Variants in WNT3A observed in about 807,000 individuals in gnomAD.
The protein encoded by WNT3A is Wnt family member 3A, also known as protein Wnt-3a.
A neutral mutation model predicts 37.0 loss-of-function variants in WNT3A; 17 were observed. The ratio of observed to expected loss-of-function variants is 0.46; its 90% CI spans 0.31 to 0.69. The LOEUF is 0.69. Ranked by LOEUF, WNT3A falls within the 30% of genes least tolerant of loss-of-function variation. WNT3A has a pLI of 0.05. For missense variants in WNT3A, 411 were observed against 510.2 expected (o/e 0.81, Z 1.87); for synonymous variants, 187 against 211.0 (o/e 0.89, Z 0.99).
At chr1:228,030,187 G>A (rs564023992) in intron 2 of WNT3A, among the ~76,000 whole-genome samples, 13 of 152,136 alleles carry the variant, frequency 8.5e-5, no homozygotes, top group African/African-American at 2.9e-4. Flanking sequence ...TTGAGGTCAG[G>A]AGTTCGAGAC....
In WNT3A at chr1:228,059,132, G is replaced by A; in HGVS notation, c.726G>A (p.Val242=). The A allele has an allele frequency of 1.2e-6, 2 of 1,613,742 alleles. No individual in the cohort carries two copies. The highest frequency in any genetic ancestry group is 1.7e-6 in the Non-Finnish European group (2 of 1,179,994). ...AGTACGACAGCGCCTCGGAGATGGT[G>A]GTGGAGAAGCACCGGGAGTCCCGCG... The part of the protein sequence containing the change: ...KDKYDSASEM[V]VEKHRESRGW... Residue 242 remains valine, a synonymous_variant, in exon 4 of 4, where the codon GTG becomes GTA. Coordinates refer to ENST00000284523, the MANE Select transcript of WNT3A (RefSeq NM_033131.4).
rs1361612930 is a variant in WNT3A, at chr1:228,060,419, G to A, written c.*954G>A. ...TGTGCCACCCCTTCCTCAGCCTGGG[G>A]TTTGACCACCCACCTGACCAGGGGC... On this transcript the variant is annotated 3_prime_UTR_variant, in exon 4 of 4. Coordinates refer to ENST00000284523, the MANE Select transcript of WNT3A (RefSeq NM_033131.4). 2.7e-5 allele frequency: 21 copies of A among 781,860 alleles called. No individual in the cohort carries two copies. In the East Asian group the frequency reaches 1.1e-3, roughly 41 times the overall value. 48.4% of individuals were successfully genotyped at this position (781,860 alleles called of 1,614,324 possible).
At chr1:228,057,499 A>G (rs543748367) in intron 3 of WNT3A, among the ~76,000 whole-genome samples, 6 of 152,220 alleles carry the variant, frequency 3.9e-5, no homozygotes, top group African/African-American at 9.7e-5. Context: ...CTTTGATCCA[A>G]TATAAAACTA....
At chr1:228,025,089 T>C (rs866167177) in intron 2 of WNT3A, among the ~76,000 whole-genome samples, 3 of 152,234 alleles carry the variant, frequency 2.0e-5, no homozygotes, top group African/African-American at 7.2e-5. Context: ...TCCAGCTTTG[T>C]TCTTTCTTTT....
chr1:228,057,735 GATT>G (rs1182091930), intron 3 of WNT3A, among the ~76,000 whole-genome samples: 2 of 152,148 alleles, frequency 1.3e-5, no homozygotes, highest in Non-Finnish European at 2.9e-5. Context: ...ATGGCTCATA[GATT>G]ATTATAATTT....
rs2031217197 is a variant in WNT3A at position 228,039,213 on chromosome 1, AG to A, written c.314-11442del. On this transcript the variant is annotated intron_variant, in intron 2 of 3. Transcript: ENST00000284523. The surrounding 1 kb of genome is among the most constrained non-coding windows in gnomAD (Gnocchi z 4.1). ...GCCAGGTGAGCATGGGTCAACATCA[AG>A]AAGCAGACTGGGCAAAGGCGGCATC... Among the ~76,000 whole-genome samples, 1 of 152,278 alleles carries A rather than the reference AG, an allele frequency of 6.6e-6. No individual in the cohort carries two copies. Among genetic ancestry groups the A allele is most frequent in the East Asian group, 1.9e-4 (1 of 5,182 alleles).
In WNT3A at chr1:228,007,715, G is replaced by C. The variant is rs1165431067; in HGVS notation, c.71+516G>C. Among the ~76,000 whole-genome samples the C allele has an allele frequency of 6.6e-6, 1 of 152,106 alleles. No individual in the cohort carries two copies. The highest frequency in any genetic ancestry group is 1.5e-5 in the Non-Finnish European group (1 of 68,012). On this transcript the variant is annotated intron_variant, in intron 1 of 3. Transcript: ENST00000284523. The surrounding 1 kb of genome is among the most constrained non-coding windows in gnomAD (Gnocchi z 6.0). ...TACGTAAAGAAAGCTGGGACCCGGC[G>C]GGGAGTGGCGCAGAGCCGGCGGCGG... is the stretch of plus-strand genomic sequence containing the variant.
chr1:228,044,442 T>C (rs1467234187), intron 2 of WNT3A, among the ~76,000 whole-genome samples: 1 of 152,224 alleles, frequency 6.6e-6, no homozygotes, highest in Non-Finnish European at 1.5e-5. Context: ...GCCATGCCTC[T>C]GGCTTCTCCA....
intron 1 of WNT3A, among the ~76,000 whole-genome samples, chr1:228,009,460 C>T (rs750444235): frequency 7.2e-5 from 11 of 152,206 alleles, no homozygotes; most frequent in Non-Finnish European, 1.5e-4. Flanking sequence ...AGCATCTCCT[C>T]CTTTCTCCTG....
intron 2 of WNT3A, among the ~76,000 whole-genome samples, chr1:228,048,789 G>A (rs1174317270): frequency 3.3e-5 from 5 of 151,964 alleles, no homozygotes; most frequent in East Asian, 3.9e-4. Context: ...TTGCAGAAGT[G>A]TCTGCATACA....
rs1370352741 is a variant in WNT3A at position 228,038,204 on chromosome 1, C to T, written c.314-12452C>T. On this transcript the variant is annotated intron_variant, in intron 2 of 3. Transcript: ENST00000284523. This position sits in a 1 kb window ranked among gnomAD's most constrained non-coding sequence, Gnocchi z 5.7. Reference sequence around the variant, plus strand: ...TGCCACCGCGACACCCCCTCCCGGCCGCCTGGCTCCTCCTGGGGCCGCAGG... The same window carrying T: ...TGCCACCGCGACACCCCCTCCCGGCTGCCTGGCTCCTCCTGGGGCCGCAGG... Among the ~76,000 whole-genome samples the T allele has an allele frequency of 1.3e-5, 2 of 152,094 alleles. No homozygotes were observed. Among genetic ancestry groups the T allele is most frequent in the Non-Finnish European group, 2.9e-5 (2 of 68,006 alleles).
rs576202563 is a variant in WNT3A, at chr1:228,007,830, C to T, written c.71+631C>T. On this transcript the variant is annotated intron_variant, in intron 1 of 3. Coordinates refer to ENST00000284523, the MANE Select transcript of WNT3A (RefSeq NM_033131.4). This position sits in a 1 kb window ranked among gnomAD's most constrained non-coding sequence, Gnocchi z 6.0. ...CCAGGGGCCCTCTCTGCGAGCCCTC[C>T]GCATGGGTCCACCTGGCAATGAGGG... Among the ~76,000 whole-genome samples the T allele has an allele frequency of 8.5e-5, 13 of 152,172 alleles. No homozygotes were observed. The highest frequency in any genetic ancestry group is 3.1e-4 in the African/African-American group (13 of 41,546).
chr1:228,040,524 C>CT (rs879563081), intron 2 of WNT3A, among the ~76,000 whole-genome samples: 3 of 152,134 alleles, frequency 2.0e-5, no homozygotes, highest in Non-Finnish European at 4.4e-5. Flanking sequence ...AACTGAGCAA[C>CT]TTTAGTGAAA....
At position 228,059,490 on chromosome 1, in the gene WNT3A, C is replaced by T. The variant is rs2031751071; in HGVS notation, c.*25C>T. On this transcript the variant is annotated 3_prime_UTR_variant, in exon 4 of 4. Coordinates refer to ENST00000284523, the MANE Select transcript of WNT3A (RefSeq NM_033131.4). ...GGCACCGGCCGCGGCTCCCCCTGGA[C>T]GGGGCGGGCCCTGCCTGAGGGTGGG... is the stretch of plus-strand genomic sequence containing the variant. 2 of 1,480,234 alleles carry T rather than the reference C, an allele frequency of 1.4e-6. No individual in the cohort carries two copies. The highest frequency in any genetic ancestry group is 1.8e-6 in the Non-Finnish European group (2 of 1,122,910). The allele number at this position is 1,480,234 out of a possible 1,614,324, so 91.7% of individuals were successfully genotyped here. A position where few individuals can be genotyped will look rare whatever the true frequency, so the allele number is the denominator to read the frequency against.
At chr1:228,011,000 G>T (rs1364915251) in intron 1 of WNT3A, among the ~76,000 whole-genome samples, 1 of 152,142 alleles carries the variant, frequency 6.6e-6, no homozygotes, top group Non-Finnish European at 1.5e-5. Context: ...ACACTTGGAG[G>T]CCCTGCTCAG....
In WNT3A at chr1:228,022,876, G is replaced by C; in HGVS notation, c.281G>C (p.Ser94Thr). The change falls in exon 2 of 4, where the codon AGC (serine) becomes ACC (threonine). Residue 94 changes from serine (S) to threonine (T), a missense_variant. Coordinates refer to ENST00000284523, the MANE Select transcript of WNT3A (RefSeq NM_033131.4). ...RRWNCTTVHD[S>T]LAIFGPVLDK... ...TGGAACTGCACCACCGTCCACGACA[G>C]CCTGGCCATCTTCGGGCCCGTGCTG... 6.2e-7 allele frequency: 1 copy of C among 1,612,466 alleles called. No individual in the cohort carries two copies. Among genetic ancestry groups the C allele is most frequent in the Non-Finnish European group, 8.5e-7 (1 of 1,178,792 alleles).
In WNT3A at chr1:228,061,192, C is replaced by G. The variant is rs1336164027; in HGVS notation, c.*1727C>G. On this transcript the variant is annotated 3_prime_UTR_variant, in exon 4 of 4. Coordinates refer to ENST00000284523, the MANE Select transcript of WNT3A (RefSeq NM_033131.4). ...GCCCAAAAGAGGGCACACCGCCATC[C>G]TCTGCCTCAAATTCTGCGTTTTTGG... 1 of 152,700 alleles carries G rather than the reference C, an allele frequency of 6.5e-6. No homozygotes were observed. Among genetic ancestry groups the G allele is most frequent in the Admixed American group, 6.5e-5 (1 of 15,288 alleles). The allele number at this position is 152,700 out of a possible 1,614,324, so 9.5% of individuals were successfully genotyped here. A position where few individuals can be genotyped will look rare whatever the true frequency, so the allele number is the denominator to read the frequency against.
rs1464621048 is a variant in WNT3A at position 228,025,973 on chromosome 1, G to T, written c.313+3065G>T. ...GAGGTCTCCCTATGTTGCCCAGGCT[G>T]GTCTTGAACTTTTGGGCTCAAGCAA... On this transcript the variant is annotated intron_variant, in intron 2 of 3. Coordinates refer to ENST00000284523, the MANE Select transcript of WNT3A (RefSeq NM_033131.4). Among the ~76,000 whole-genome samples, 3 of 150,082 alleles carry T rather than the reference G, an allele frequency of 2.0e-5. No individual in the cohort carries two copies. The East Asian group carries it at 5.9e-4, about 30-fold the overall frequency.
chr1:228,011,280 C>T lies in WNT3A; in HGVS notation c.71+4081C>T, dbSNP rs2030361720. ...AGTCGAGCAGGGCAGGGACATGGCC[C>T]AGGGTACCCAGAAGCTCAGATGGGA... On this transcript the variant is annotated intron_variant, in intron 1 of 3. Coordinates refer to ENST00000284523, the MANE Select transcript of WNT3A (RefSeq NM_033131.4). 2.6e-5 allele frequency among the ~76,000 whole-genome samples: 4 copies of T among 152,138 alleles called. No individual in the cohort carries two copies. The South Asian group carries it at 6.2e-4, about 24-fold the overall frequency.
Sources: gnomAD v4.1 joint callset for allele counts (sites outside exome capture counted in the v4.1 genomes callset) on GRCh38, gnomAD v4.1.1 for gene constraint, Gnocchi (gnomAD v3.1) non-coding constraint, MANE v1.5 for transcripts, NCBI Gene and HGNC (gene_info 2026-07-23, HGNC 2026-07-21) for gene names.